Variants in TDRD9 observed in about 807,000 individuals in gnomAD.
TDRD9 encodes the protein ATP-dependent RNA helicase TDRD9.
In TDRD9, 124 loss-of-function variants were observed where a neutral mutation model predicts 172.6. That is an observed-to-expected ratio of 0.72 (90% CI 0.62 to 0.83). The LOEUF (loss-of-function observed/expected upper bound fraction) is 0.83, where lower values mean the gene tolerates loss of function less well. TDRD9 is among the 40% of genes least tolerant of loss of function. TDRD9 has a pLI of 0.00. For missense variants in TDRD9, 1,479 were observed against 1,714.1 expected (o/e 0.86, Z 2.42); for synonymous variants, 619 against 617.1 (o/e 1.00, Z -0.05).
intron 7 of TDRD9, among the ~76,000 whole-genome samples, chr14:103,981,442 G>C (rs1042441968): frequency 6.6e-6 from 1 of 152,180 alleles, no homozygotes; most frequent in Non-Finnish European, 1.5e-5. Flanking sequence ...TTGCCTCATG[G>C]GTGGGTTATG....
intron 28 of TDRD9, among the ~76,000 whole-genome samples, chr14:104,027,150 G>T (rs1365837523): frequency 6.6e-6 from 1 of 152,096 alleles, no homozygotes; most frequent in Non-Finnish European, 1.5e-5. Flanking sequence ...TATTGTTTTT[G>T]TTGGTGAGTA....
intron 20 of TDRD9, among the ~76,000 whole-genome samples, chr14:104,010,826 A>G (rs2034591452): frequency 1.3e-5 from 2 of 152,216 alleles, no homozygotes; most frequent in African/African-American, 4.8e-5. Flanking sequence ...TCGGCCTTCC[A>G]TATACTCGGG....
Position 103,997,963 on chromosome 14 carries a change from A to G in TDRD9, c.1379-661A>G, listed in dbSNP as rs2034112383. 6.6e-6 allele frequency among the ~76,000 whole-genome samples: 1 copy of G among 152,116 alleles called. No individual in the cohort carries two copies. The highest frequency in any genetic ancestry group is 1.5e-5 in the Non-Finnish European group (1 of 68,002). On this transcript the variant is annotated intron_variant, in intron 12 of 35. Coordinates refer to ENST00000409874, the MANE Select transcript of TDRD9 (RefSeq NM_153046.3). The surrounding 1 kb of genome is among the most constrained non-coding windows in gnomAD (Gnocchi z 5.1). ...CAACACTCCACAGGTGCTTTGCTGT[A>G]GGGGAGCAGAGGAAATGGGGCAGTA...
intron 12 of TDRD9, 35 bp from the exon 13 acceptor site, chr14:103,998,589 G>A: frequency 9.2e-7 from 1 of 1,086,784 alleles, no homozygotes. Context: ...TCTCTTATTA[G>A]CATGGTGTTT....
chr14:104,010,894 A>G (rs758530795), intron 20 of TDRD9, among the ~76,000 whole-genome samples: 2 of 152,216 alleles, frequency 1.3e-5, no homozygotes, highest in African/African-American at 2.4e-5. Context: ...AAACCTGCAT[A>G]TAAGTGGGCC....
chr14:104,004,553 T>C (rs1050770431), intron 14 of TDRD9, among the ~76,000 whole-genome samples: 2 of 152,098 alleles, frequency 1.3e-5, no homozygotes, highest in Non-Finnish European at 2.9e-5. Context: ...TAATTTTTTG[T>C]ATTTTTAGTA....
In TDRD9 at chr14:104,014,790, G is replaced by T; in HGVS notation, c.2172G>T (p.Arg724=). The T allele has an allele frequency of 1.2e-6, 2 of 1,612,422 alleles. No homozygotes were observed. The highest frequency in any genetic ancestry group is 1.7e-5 in the Admixed American group (1 of 59,992). Residue 724 remains arginine (R), a synonymous_variant, in exon 21 of 36, where the codon CGG becomes CGT. Transcript: ENST00000409874. ...ISQFNMHVDS[R]RPVMDQEYIY... ...AGTTCAACATGCATGTTGATTCTCG[G>T]CGACCTGTCATGGACCAAGAGTATA... is the stretch of plus-strand genomic sequence containing the variant.
intron 22 of TDRD9, among the ~76,000 whole-genome samples, chr14:104,017,656 A>G (rs1030333880): frequency 2.0e-5 from 3 of 152,238 alleles, no homozygotes; most frequent in African/African-American, 7.2e-5. Context: ...GTCACTGCCA[A>G]TTTGATCATG....
At position 103,965,189 on chromosome 14, in the gene TDRD9, G is replaced by C. The variant is rs1299795949; in HGVS notation, c.421-144G>C. The C allele has an allele frequency of 1.5e-5, 12 of 815,892 alleles. No individual in the cohort carries two copies. The South Asian group carries it at 2.1e-4, about 14-fold the overall frequency. The allele number at this position is 815,892 out of a possible 1,614,324, so 50.5% of individuals were successfully genotyped here. A position where few individuals can be genotyped will look rare whatever the true frequency, so the allele number is the denominator to read the frequency against. On this transcript the variant is annotated intron_variant, in intron 3 of 35. Transcript: ENST00000409874. ...ATTGCGCCCCTGCACTCCAGGCTGG[G>C]CAACAGAGCGAGACTCCATCTCAAA...
Position 103,998,706 on chromosome 14 carries a change from A to ATCTGATT in TDRD9, c.1461_1462insTCTGATT (p.Thr488SerfsTer6). 1 of 1,586,734 alleles carries ATCTGATT rather than the reference A, an allele frequency of 6.3e-7. No individual in the cohort carries two copies. The highest frequency in any genetic ancestry group is 8.7e-7 in the Non-Finnish European group (1 of 1,154,910). The stretch of plus-strand genomic sequence containing the variant: ...GTCTGCGATTGAGTTGGGCTTCTAA[A>ATCTGATT]ACCAGCTGTAATCAGAGAAAAGGTA... On this transcript the variant is annotated frameshift_variant, in exon 13 of 36. Coordinates refer to ENST00000409874, the MANE Select transcript of TDRD9 (RefSeq NM_153046.3). LOFTEE classifies it high-confidence loss of function.
intron 20 of TDRD9, among the ~76,000 whole-genome samples, chr14:104,014,231 CAAAA>C (rs370386257): frequency 1.9e-4 from 20 of 103,136 alleles, no homozygotes; most frequent in African/African-American, 6.5e-4. Flanking sequence ...GAGACTGTCT[CAAAA>C]AAAAAAAAAA....
chr14:103,971,915 G>T (rs1037683080), intron 6 of TDRD9, among the ~76,000 whole-genome samples: 1 of 152,168 alleles, frequency 6.6e-6, no homozygotes, highest in Non-Finnish European at 1.5e-5. Context: ...CAGCAGTTTG[G>T]GGGGCAAAGG....
intron 20 of TDRD9, among the ~76,000 whole-genome samples, chr14:104,013,278 A>G (rs1432737675): frequency 6.6e-6 from 1 of 152,256 alleles, no homozygotes; most frequent in Non-Finnish European, 1.5e-5. Flanking sequence ...TGTGTACATT[A>G]AAGTTTGACA....
At chr14:104,007,385 CT>C (rs2034476080) in intron 19 of TDRD9, among the ~76,000 whole-genome samples, 181 bp downstream of exon 19, 1 of 152,174 alleles carries the variant, frequency 6.6e-6, no homozygotes, top group South Asian at 2.1e-4. Flanking sequence ...CAGACTGGTC[CT>C]TTTGCTTCCA....
intron 34 of TDRD9, 111 bp downstream of exon 34, chr14:104,042,298 G>A: frequency 1.3e-6 from 1 of 743,732 alleles, no homozygotes; most frequent in South Asian, 1.7e-5. Context: ...ATCACCTGAA[G>A]TGGAGTGCCA....
chr14:104,026,561 G>C, intron 27 of TDRD9, 118 bp from the exon 28 acceptor site: 1 of 1,232,050 alleles, frequency 8.1e-7, no homozygotes, highest in Middle Eastern at 2.1e-4. Flanking sequence ...AGTTTTATTG[G>C]GACTTTTATG....
In TDRD9 at chr14:103,944,903, G is replaced by C. The variant is rs184512561; in HGVS notation, c.216-10761G>C. Among the ~76,000 whole-genome samples, 556 of 152,214 alleles carry C rather than the reference G, an allele frequency of 3.7e-3. 3 individuals carry two copies. The highest frequency in any genetic ancestry group is 0.013 in the African/African-American group (520 of 41,530). On this transcript the variant is annotated intron_variant, in intron 1 of 35. Transcript: ENST00000409874. ...TCCTAATGCTTTCCAATTAGATCCT[G>C]CTGTGTCCTCTACTGTAATTGCTGG...
chr14:103,975,525 A>C lies in TDRD9; in HGVS notation c.983A>C (p.Asn328Thr). 1 of 1,611,210 alleles carries C rather than the reference A, an allele frequency of 6.2e-7. No individual in the cohort carries two copies. Among genetic ancestry groups the C allele is most frequent in the South Asian group, 1.1e-5 (1 of 90,482 alleles). The change falls in exon 7 of 36, where the codon AAT becomes ACT. Residue 328 changes from asparagine to threonine, a missense_variant. Physicochemically the swap from Asn to Thr is moderately conservative, Grantham distance 65 (BLOSUM62 0). Transcript: ENST00000409874. ...KPHSVEEYYL[N>T]DLEHIHHSKL... is the part of the protein sequence containing the mutation. ...CATTCAGTTGAAGAGTATTATCTTAATGATTTGGAGCACATTCATCATAGC... is the reference window on the plus strand; with the variant it reads ...CATTCAGTTGAAGAGTATTATCTTACTGATTTGGAGCACATTCATCATAGC...
At chr14:104,050,349 C>T (rs1373319337) in intron 35 of TDRD9, among the ~76,000 whole-genome samples, 3 of 152,186 alleles carry the variant, frequency 2.0e-5, no homozygotes, top group Non-Finnish European at 2.9e-5. Flanking sequence ...AGTGGGGGTT[C>T]GGGCTTCAGT....
Sources: gnomAD v4.1 joint callset for allele counts (sites outside exome capture counted in the v4.1 genomes callset) on GRCh38, gnomAD v4.1.1 for gene constraint, Gnocchi (gnomAD v3.1) non-coding constraint, MANE v1.5 for transcripts, NCBI Gene and HGNC (gene_info 2026-07-23, HGNC 2026-07-21) for gene names.